Variants in TJP2 observed in about 807,000 individuals in gnomAD.
TJP2 encodes the protein Friedreich ataxia region gene X104 (tight junction protein ZO-2).
A neutral mutation model predicts 133.1 loss-of-function variants in TJP2; 91 were observed. The observed-to-expected ratio is 0.68, with a 90% CI of 0.58 to 0.81. The LOEUF is 0.81. Among genes scored for constraint, TJP2 ranks in the 40% least tolerant of loss-of-function variants. The pLI, the probability that TJP2 is intolerant of heterozygous loss-of-function variation, is 0.00. For synonymous variants in TJP2, 592 were observed against 583.4 expected, an observed-to-expected ratio of 1.01 and a Z score of -0.21; for missense variants, 1,541 against 1,565.6, an observed-to-expected ratio of 0.98 and a Z score of 0.26.
chr9:69,199,212 G>A (rs925498625), intron 1 of TJP2, among the ~76,000 whole-genome samples: 6 of 152,124 alleles, frequency 3.9e-5, no homozygotes, highest in Admixed American at 6.5e-5. Flanking sequence ...ATTTGAGTTC[G>A]TTTGTAAAAT....
Position 69,229,265 on chromosome 9 carries a change from C to T in TJP2, c.1520+15C>T, listed in dbSNP as rs1290286225. On this transcript the variant is annotated intron_variant, in intron 10 of 22. Transcript: ENST00000377245. ...GCAATATATGGGTATGTATTTCCGT[C>T]TCTCTTTGTTTTCCCTTCTTCCTTA... 1 of 1,611,438 alleles carries T rather than the reference C, an allele frequency of 6.2e-7. No individual in the cohort carries two copies. The highest frequency in any genetic ancestry group is 1.3e-5 in the African/African-American group (1 of 74,866).
At chr9:69,212,192 G>A (rs941812011) in intron 1 of TJP2, among the ~76,000 whole-genome samples, 1 of 152,090 alleles carries the variant, frequency 6.6e-6, no homozygotes, top group Non-Finnish European at 1.5e-5. Context: ...ACAGGAAGAG[G>A]GGGAGAATGA....
At chr9:69,239,895 T>TTTATATATC (rs747988462) in intron 16 of TJP2, 42 bp from the exon 17 acceptor site, 2 of 1,470,676 alleles carry the variant, frequency 1.4e-6, no homozygotes, top group Admixed American at 3.4e-5. Flanking sequence ...GCTATATTAC[T>TTTATATATC]TTATATATCC....
At chr9:69,181,953 C>G (rs1044937490) in intron 1 of TJP2, among the ~76,000 whole-genome samples, 1 of 152,198 alleles carries the variant, frequency 6.6e-6, no homozygotes, top group Non-Finnish European at 1.5e-5. Context: ...TGCAGAGCTT[C>G]TTGAGAATCC....
chr9:69,156,516 A>G (rs1018097892), intron 2 of TJP2, among the ~76,000 whole-genome samples: 1 of 147,034 alleles, frequency 6.8e-6, no homozygotes, highest in Non-Finnish European at 1.5e-5. Flanking sequence ...CAATCAATAC[A>G]TGTAAGATTT....
At chr9:69,249,284 C>A (rs1401265707) in intron 19 of TJP2, 91 bp from the exon 20 acceptor site, 1 of 1,543,306 alleles carries the variant, frequency 6.5e-7, no homozygotes, top group Non-Finnish European at 8.8e-7. Context: ...TCTGGACTTA[C>A]TCAAGTTTGC....
At position 69,230,133 on chromosome 9, in the gene TJP2, G is replaced by A; in HGVS notation, c.1572G>A (p.Arg524=). 3 of 1,614,188 alleles carry A rather than the reference G, an allele frequency of 1.9e-6. No homozygotes were observed. Among genetic ancestry groups the A allele is most frequent in the Non-Finnish European group, 2.5e-6 (3 of 1,180,034 alleles). The stretch of plus-strand genomic sequence containing the variant: ...AGAAGGGAGACAGCGTGGGCCTCCG[G>A]TTGGCTGGTGGCAATGATGTCGGGA... ...RFKKGDSVGL[R]LAGGNDVGIF... is the part of the protein sequence containing the mutation. The change falls in exon 11 of 23, where the codon CGG becomes CGA. Residue 524 remains arginine, a synonymous_variant. Coordinates refer to ENST00000377245, the MANE Select transcript of TJP2 (RefSeq NM_004817.4).
chr9:69,178,170 A>G (rs1825235176), intron 1 of TJP2, among the ~76,000 whole-genome samples: 1 of 152,196 alleles, frequency 6.6e-6, no homozygotes, highest in Non-Finnish European at 1.5e-5. Flanking sequence ...ATCATTTAAT[A>G]AAGCATTTTC....
intron 17 of TJP2, among the ~76,000 whole-genome samples, chr9:69,244,045 G>A (rs1030872401): frequency 1.3e-5 from 2 of 151,808 alleles, no homozygotes; most frequent in East Asian, 1.9e-4. Flanking sequence ...TTAGCTGGGT[G>A]TGGTGGTGGG....
At chr9:69,134,745 G>T (rs1318378920) in intron 1 of TJP2, among the ~76,000 whole-genome samples, 1 of 152,014 alleles carries the variant, frequency 6.6e-6, no homozygotes, top group East Asian at 1.9e-4. Flanking sequence ...CTATAATGAA[G>T]TACCAATGAC....
intron 4 of TJP2, among the ~76,000 whole-genome samples, chr9:69,219,094 C>T (rs547507510): frequency 9.1e-4 from 138 of 152,092 alleles, no homozygotes; most frequent in African/African-American, 2.9e-3. Context: ...CTCAGCCTCC[C>T]GAGTAGCTGG....
chr9:69,243,051 A>G (rs186957937), intron 17 of TJP2, among the ~76,000 whole-genome samples: 2 of 152,176 alleles, frequency 1.3e-5, no homozygotes, highest in Admixed American at 1.3e-4. Context: ...TTTTCTGGCA[A>G]CAGGGTTTAC....
intron 1 of TJP2, among the ~76,000 whole-genome samples, chr9:69,184,588 T>G (rs1825723583): frequency 6.6e-6 from 1 of 152,188 alleles, no homozygotes; most frequent in Non-Finnish European, 1.5e-5. Flanking sequence ...ATGGGGGATC[T>G]CTGGTAGAAA....
At chr9:69,239,369 T>A (rs1272224460) in intron 16 of TJP2, among the ~76,000 whole-genome samples, 2 of 152,174 alleles carry the variant, frequency 1.3e-5, no homozygotes, top group African/African-American at 2.4e-5. Flanking sequence ...AACCAGTCAC[T>A]GTTACTGTTC....
intron 12 of TJP2, among the ~76,000 whole-genome samples, chr9:69,235,697 G>T (rs149515299): frequency 3.1e-4 from 47 of 152,254 alleles, no homozygotes; most frequent in African/African-American, 1.1e-3. Flanking sequence ...AGGCCCACTC[G>T]CATTGGGGAG....
intron 2 of TJP2, among the ~76,000 whole-genome samples, chr9:69,215,825 C>T (rs947540146): frequency 5.3e-5 from 8 of 152,024 alleles, no homozygotes; most frequent in African/African-American, 1.4e-4. Flanking sequence ...CTCATTTGAG[C>T]CCAGAAATTT....
intron 2 of TJP2, among the ~76,000 whole-genome samples, chr9:69,215,476 A>T (rs1428995233): frequency 6.6e-6 from 1 of 151,498 alleles, no homozygotes; most frequent in Non-Finnish European, 1.5e-5. Flanking sequence ...CCTTGACCTC[A>T]CAGGCTCAGG....
intron 2 of TJP2, among the ~76,000 whole-genome samples, chr9:69,155,146 G>A (rs1231720867): frequency 6.6e-6 from 1 of 151,274 alleles, no homozygotes; most frequent in Non-Finnish European, 1.5e-5. Context: ...TGAACCTGGT[G>A]GGCCAGAGAT....
At chr9:69,167,841 C>T (rs906604695) in intron 2 of TJP2, among the ~76,000 whole-genome samples, 1 of 148,046 alleles carries the variant, frequency 6.8e-6, no homozygotes, top group Non-Finnish European at 1.5e-5. Context: ...GCACTCCAGC[C>T]TGGGCAAGAG....
Sources: allele counts gnomAD v4.1 joint callset (sites outside exome capture counted in the v4.1 genomes callset), GRCh38; gene constraint gnomAD v4.1.1; transcripts MANE v1.5; gene names NCBI Gene and HGNC (gene_info 2026-07-23, HGNC 2026-07-21).